The following CAMKMT variants were observed in gnomAD, a reference collection of about 807,000 sequenced individuals.
CAMKMT encodes calmodulin-lysine N-methyltransferase, also known as CaM KMT.
Under a neutral mutation model 48.0 loss-of-function variants are expected in CAMKMT, and 53 were observed. The ratio of observed to expected loss-of-function variants is 1.10; its 90% CI spans 0.89 to 1.39. The LOEUF is 1.39. Ranked by LOEUF, CAMKMT falls within the 40% of genes most tolerant of loss-of-function variation. CAMKMT has a pLI of 0.00. For missense variants in CAMKMT, 428 were observed against 402.7 expected (o/e 1.06, Z -0.54); for synonymous variants, 165 against 152.3 (o/e 1.08, Z -0.61).
intron 4 of CAMKMT, chr2:44,705,433 T>C (rs186927): frequency 0.18 from 179,597 of 985,226 alleles, 18,293 homozygotes; most frequent in African/African-American, 0.43. Context: ...CTGGCATTTG[T>C]TCATCTCGCT....
chr2:44,549,849 G>C (rs916749863), intron 3 of CAMKMT: 3 of 383,602 alleles, frequency 7.8e-6, no homozygotes, highest in Non-Finnish European at 9.2e-6. Context: ...CCCAGACCCA[G>C]CTTCATTGTG....
At chr2:44,669,007 T>C (rs1675172951) in intron 3 of CAMKMT, among the ~76,000 whole-genome samples, 1 of 152,178 alleles carries the variant, frequency 6.6e-6, no homozygotes, top group African/African-American at 2.4e-5. Flanking sequence ...GGTCTTGAAC[T>C]CCAGAGCTCA....
chr2:44,363,370 C>T (rs937645087), intron 1 of CAMKMT, among the ~76,000 whole-genome samples: 1 of 151,742 alleles, frequency 6.6e-6, no homozygotes, highest in African/African-American at 2.4e-5. Flanking sequence ...GGACTCAACC[C>T]CCCTTCCCCC....
chr2:44,541,092 C>T (rs1667082207), intron 3 of CAMKMT, among the ~76,000 whole-genome samples: 2 of 152,126 alleles, frequency 1.3e-5, no homozygotes, highest in South Asian at 4.1e-4. Flanking sequence ...GCCAGTATCA[C>T]AATGTTTTAG....
At chr2:44,364,042 T>TA (rs1678332766) in intron 1 of CAMKMT, among the ~76,000 whole-genome samples, 1 of 116,738 alleles carries the variant, frequency 8.6e-6, no homozygotes, top group African/African-American at 3.4e-5. Context: ...TTAAATAAGA[T>TA]AGAGTCTTGC....
chr2:44,720,308 C>T (rs1239378170), intron 7 of CAMKMT, among the ~76,000 whole-genome samples: 2 of 152,238 alleles, frequency 1.3e-5, no homozygotes, highest in East Asian at 3.9e-4. Context: ...GATTTGCCCA[C>T]TTCTACTTTT....
At position 44,772,004 on chromosome 2, in the gene CAMKMT, C is replaced by A. The variant is rs747914917; in HGVS notation, c.895-32C>A. 3 of 1,488,220 alleles carry A rather than the reference C, an allele frequency of 2.0e-6. No homozygotes were observed. In the South Asian group the frequency reaches 3.4e-5, roughly 17 times the overall value. The allele number at this position is 1,488,220 out of a possible 1,614,324, so 92.2% of individuals were successfully genotyped here. On this transcript the variant is annotated intron_variant, in intron 10 of 10. Coordinates refer to ENST00000378494, the MANE Select transcript of CAMKMT (RefSeq NM_024766.5). ...TGGTAAAGATCCCTAATTGGAGTCC[C>A]CTTACCTTTTTCTTTCTATTATTGT...
chr2:44,534,732 G>A (rs1666671640), intron 3 of CAMKMT, among the ~76,000 whole-genome samples: 1 of 152,048 alleles, frequency 6.6e-6, no homozygotes, highest in Admixed American at 6.6e-5. Flanking sequence ...CAAAAGCAGT[G>A]CTAAGAGAAG....
intron 7 of CAMKMT, among the ~76,000 whole-genome samples, chr2:44,721,679 C>T (rs903743775): frequency 6.6e-6 from 1 of 152,182 alleles, no homozygotes; most frequent in East Asian, 1.9e-4. Context: ...CAAAAGAAAG[C>T]TCATACTTGG....
intron 3 of CAMKMT, among the ~76,000 whole-genome samples, chr2:44,577,831 T>G (rs1217433651): frequency 1.3e-5 from 2 of 152,138 alleles, no homozygotes; most frequent in African/African-American, 4.8e-5. Flanking sequence ...AAATATATTT[T>G]CCAAAGTAAC....
Position 44,588,428 on chromosome 2 carries a change from G to C in CAMKMT, c.377-115855G>C, listed in dbSNP as rs749972262. Among the ~76,000 whole-genome samples the C allele has an allele frequency of 5.6e-3, 16 of 2,850 alleles. 1 individual carries two copies. Among genetic ancestry groups the C allele is most frequent in the Non-Finnish European group, 0.011 (15 of 1,420 alleles). 1.9% of individuals were successfully genotyped at this position (2,850 alleles called of 152,430 possible). On this transcript the variant is annotated intron_variant, in intron 3 of 10. Transcript: ENST00000378494. ...CCGGCCAGCCGCCCCGTCCGGGAGG[G>C]GGGGGTCAGGCCCCTGCCCGGCCAG...
intron 3 of CAMKMT, among the ~76,000 whole-genome samples, chr2:44,668,342 T>A (rs754701942): frequency 1.3e-5 from 2 of 152,226 alleles, no homozygotes; most frequent in Non-Finnish European, 1.5e-5. Flanking sequence ...ATTCTTCTTA[T>A]GCTTCAGACC....
chr2:44,433,795 GT>G (rs1284736876), intron 3 of CAMKMT, among the ~76,000 whole-genome samples: 1 of 152,140 alleles, frequency 6.6e-6, no homozygotes, highest in Non-Finnish European at 1.5e-5. Context: ...AGTTATCAAT[GT>G]TTATTCAAAG....
At chr2:44,755,388 CT>C (rs1680328700) in intron 9 of CAMKMT, among the ~76,000 whole-genome samples, 1 of 152,160 alleles carries the variant, frequency 6.6e-6, no homozygotes, top group Non-Finnish European at 1.5e-5. Flanking sequence ...CCCTGTCGGC[CT>C]TGGGTGATTC....
intron 3 of CAMKMT, among the ~76,000 whole-genome samples, chr2:44,414,264 C>G (rs747043182): frequency 2.0e-5 from 3 of 152,140 alleles, no homozygotes; most frequent in Non-Finnish European, 1.5e-5. Flanking sequence ...CAGCTTAAAA[C>G]AAATATTTAT....
chr2:44,429,305 GTGTA>G (rs1426034505), intron 3 of CAMKMT, among the ~76,000 whole-genome samples: 3 of 138,512 alleles, frequency 2.2e-5, no homozygotes, highest in African/African-American at 5.2e-5. Flanking sequence ...GTGTGTGTGT[GTGTA>G]TGTCTTATGG....
At chr2:44,420,993 C>T (rs138441338) in intron 3 of CAMKMT, among the ~76,000 whole-genome samples, 9 of 152,026 alleles carry the variant, frequency 5.9e-5, no homozygotes, top group Non-Finnish European at 1.3e-4. Context: ...AAAATTGATT[C>T]TCAGCTTTGC....
chr2:44,665,529 CCTT>C (rs1674918529), intron 3 of CAMKMT, among the ~76,000 whole-genome samples: 1 of 152,086 alleles, frequency 6.6e-6, no homozygotes, highest in Non-Finnish European at 1.5e-5. Flanking sequence ...AAATCATTGC[CCTT>C]GAACCAGGCA....
At chr2:44,559,994 A>G (rs13402122) in intron 3 of CAMKMT, among the ~76,000 whole-genome samples, 19,543 of 152,172 alleles carry the variant, frequency 0.13, 1,330 homozygotes, top group East Asian at 0.18. Context: ...TTTTATGCCA[A>G]TCAAAGTCAA....
Sources: gnomAD v4.1 joint callset for allele counts (sites outside exome capture counted in the v4.1 genomes callset) on GRCh38, gnomAD v4.1.1 for gene constraint, MANE v1.5 for transcripts, NCBI Gene and HGNC (gene_info 2026-07-23, HGNC 2026-07-21) for gene names.